Variants in SLIT2 observed in about 807,000 individuals in gnomAD.
The protein encoded by SLIT2 is slit homolog 2 protein.
SLIT2 carries 41 observed loss-of-function variants against 185.7 expected under a neutral mutation model. The ratio of observed to expected loss-of-function variants is 0.22; its 90% CI spans 0.17 to 0.29. The LOEUF (loss-of-function observed/expected upper bound fraction) is 0.29, where lower values mean the gene tolerates loss of function less well. SLIT2 is among the 10% of genes least tolerant of loss of function. The pLI, the probability that SLIT2 is intolerant of heterozygous loss-of-function variation, is 1.00. For synonymous variants in SLIT2, 693 were observed against 680.2 expected (o/e 1.02, Z -0.29); for missense variants, 1,571 against 1,909.0 (o/e 0.82, Z 3.30).
intron 30 of SLIT2, among the ~76,000 whole-genome samples, chr4:20,590,453 G>C (rs932393860): frequency 6.6e-6 from 1 of 152,124 alleles, no homozygotes; most frequent in Non-Finnish European, 1.5e-5. Flanking sequence ...ACAATGATTG[G>C]ACTATCCAAG....
In SLIT2 at chr4:20,488,893, G is replaced by T; in HGVS notation, c.686G>T (p.Arg229Leu). 1.9e-6 allele frequency: 3 copies of T among 1,612,944 alleles called. No individual in the cohort carries two copies. Among genetic ancestry groups the T allele is most frequent in the Non-Finnish European group, 2.5e-6 (3 of 1,179,108 alleles). ...TCCGACTGGCTTCGCCAAAGGCCTC[G>T]GGTTGGTCTGTACACTCAGTGTATG... ...WLSDWLRQRPRVGLYTQCMGP... is the reference protein window; with the variant it reads ...WLSDWLRQRPLVGLYTQCMGP... The change falls in exon 8 of 37, where the codon CGG becomes CTG. Residue 229 changes from arginine (R) to leucine (L), a missense_variant. Around this residue, in one of 3 missense-constraint regions of SLIT2, gnomAD observed 1,202 missense variants for 1,416.4 expected, o/e 0.85. Transcript: ENST00000504154.
chr4:20,254,391 G>A lies in SLIT2; in HGVS notation c.179+397G>A, dbSNP rs558462470. Among the ~76,000 whole-genome samples the A allele has an allele frequency of 6.6e-6, 1 of 152,322 alleles. No individual in the cohort carries two copies. The highest frequency in any genetic ancestry group is 1.9e-4 in the East Asian group (1 of 5,164). The stretch of plus-strand genomic sequence containing the variant: ...TGCCAGCATCCAGGTCGGTTTCAGA[G>A]CCCAGTCCTCGCTCTTGTCGCAGGC... On this transcript the variant is annotated intron_variant, in intron 1 of 36. Transcript: ENST00000504154. The surrounding 1 kb of genome is among the most constrained non-coding windows in gnomAD (Gnocchi z 5.1).
At chr4:20,447,349 G>A (rs181635244) in intron 4 of SLIT2, among the ~76,000 whole-genome samples, 94 of 152,268 alleles carry the variant, frequency 6.2e-4, no homozygotes, top group Non-Finnish European at 1.2e-3. Context: ...CAGATGCATT[G>A]CCTTCCTAGA....
intron 20 of SLIT2, 82 bp downstream of exon 20, chr4:20,541,701 G>T: frequency 8.4e-7 from 1 of 1,193,232 alleles, no homozygotes; most frequent in Non-Finnish European, 1.2e-6. Flanking sequence ...CTACAGCATA[G>T]TTCAGCTCAG....
chr4:20,549,658 A>G (rs1247632187), intron 24 of SLIT2, among the ~76,000 whole-genome samples: 1 of 151,888 alleles, frequency 6.6e-6, no homozygotes, highest in Non-Finnish European at 1.5e-5. Context: ...AGCCACAGAT[A>G]TTAATAGGAT....
intron 34 of SLIT2, among the ~76,000 whole-genome samples, chr4:20,612,813 G>C (rs948494372): frequency 3.3e-5 from 5 of 151,326 alleles, no homozygotes; most frequent in Non-Finnish European, 7.4e-5. Context: ...AGCTACTTGG[G>C]AGACTGAGGC....
intron 4 of SLIT2, among the ~76,000 whole-genome samples, chr4:20,382,369 T>G (rs1724596182): frequency 6.6e-6 from 1 of 152,148 alleles, no homozygotes; most frequent in African/African-American, 2.4e-5. Flanking sequence ...AAATAACTAA[T>G]ACAGCTTGAA....
intron 3 of SLIT2, among the ~76,000 whole-genome samples, chr4:20,258,502 T>C (rs1249363917): frequency 1.3e-5 from 2 of 151,842 alleles, no homozygotes; most frequent in Non-Finnish European, 3.0e-5. Context: ...GGAAAAATAA[T>C]CTAAACATTA....
intron 9 of SLIT2, among the ~76,000 whole-genome samples, chr4:20,509,115 G>A (rs931076460): frequency 1.3e-5 from 2 of 151,338 alleles, no homozygotes; most frequent in South Asian, 2.1e-4. Context: ...TCAGTATGTT[G>A]TCATGATATT....
chr4:20,333,710 G>T (rs1022474255), intron 4 of SLIT2, among the ~76,000 whole-genome samples: 1 of 152,098 alleles, frequency 6.6e-6, no homozygotes, highest in Non-Finnish European at 1.5e-5. Context: ...TCACTATTTG[G>T]TTCAAGCTTT....
chr4:20,523,913 A>C lies in SLIT2; in HGVS notation c.1274+10A>C, dbSNP rs1721054588. On this transcript the variant is annotated intron_variant, in intron 13 of 36. Transcript: ENST00000504154. The stretch of plus-strand genomic sequence containing the variant: ...GGGCCATTCAAACTATGTATGTATA[A>C]GTGATTTGGATCACTTTTGATGACA... 6.2e-7 allele frequency: 1 copy of C among 1,613,944 alleles called. No homozygotes were observed. The highest frequency in any genetic ancestry group is 8.5e-7 in the Non-Finnish European group (1 of 1,179,880).
intron 4 of SLIT2, among the ~76,000 whole-genome samples, chr4:20,334,314 A>C (rs1383260889): frequency 6.6e-6 from 1 of 152,066 alleles, no homozygotes; most frequent in Non-Finnish European, 1.5e-5. Context: ...TCTCTTTTAA[A>C]ACTATGTTTT....
In SLIT2 at chr4:20,533,703, G is replaced by A. The variant is rs775715727; in HGVS notation, c.1820G>A (p.Ser607Asn). ...CATAAGATGTTCAAGGGATTGGAAA[G>A]CCTCAAAACTTTGTAAGTATTTGTA... Reference protein sequence around the residue: ...VQHKMFKGLESLKTLMLRSNR... With the variant: ...VQHKMFKGLENLKTLMLRSNR... The change falls in exon 18 of 37, where the codon AGC (serine) becomes AAC (asparagine). Residue 607 changes from serine (S) to asparagine (N), a missense_variant. By Grantham distance (46) the Ser-to-Asn change is conservative. Coordinates refer to ENST00000504154, the MANE Select transcript of SLIT2 (RefSeq NM_004787.4). 1.7e-5 allele frequency: 28 copies of A among 1,610,594 alleles called. No homozygotes were observed. Among genetic ancestry groups the A allele is most frequent in the Non-Finnish European group, 2.4e-5 (28 of 1,179,072 alleles).
intron 5 of SLIT2, among the ~76,000 whole-genome samples, chr4:20,470,822 C>T (rs1286703791): frequency 7.9e-5 from 12 of 152,060 alleles, no homozygotes; most frequent in South Asian, 6.2e-4. Flanking sequence ...ATGATCCACC[C>T]GCGTTGGCCT....
chr4:20,543,133 A>C (rs16869751), intron 21 of SLIT2, among the ~76,000 whole-genome samples: 20,387 of 151,790 alleles, frequency 0.13, 1,881 homozygotes, highest in African/African-American at 0.26. Flanking sequence ...ATAAATAACT[A>C]TCTGGTATAT....
intron 5 of SLIT2, among the ~76,000 whole-genome samples, chr4:20,472,303 GATCTAT>G (rs1715236269): frequency 6.5e-5 from 2 of 30,984 alleles, no homozygotes; most frequent in Non-Finnish European, 9.8e-5. Context: ...TAGATATATA[GATCTAT>G]ATATAGATAT....
intron 4 of SLIT2, among the ~76,000 whole-genome samples, chr4:20,370,047 C>T (rs1351565849): frequency 6.6e-6 from 1 of 152,162 alleles, no homozygotes; most frequent in Admixed American, 6.6e-5. Context: ...GGTCTCTACC[C>T]CAGACCAACT....
At chr4:20,566,721 T>C (rs759558380) in intron 26 of SLIT2, among the ~76,000 whole-genome samples, 1 of 152,064 alleles carries the variant, frequency 6.6e-6, no homozygotes, top group African/African-American at 2.4e-5. Flanking sequence ...TTTATTTCTA[T>C]ATGCATAAAG....
At chr4:20,262,361 G>GA (rs1712563120) in intron 3 of SLIT2, among the ~76,000 whole-genome samples, 1 of 151,782 alleles carries the variant, frequency 6.6e-6, no homozygotes, top group African/African-American at 2.4e-5. Flanking sequence ...AGTTCAAGTA[G>GA]AGAATATGTT....
Sources: allele counts gnomAD v4.1 joint callset (sites outside exome capture counted in the v4.1 genomes callset), GRCh38; gene constraint gnomAD v4.1.1; regional missense constraint gnomAD v4.1.1; non-coding constraint Gnocchi (gnomAD v3.1); transcripts MANE v1.5; gene names NCBI Gene and HGNC (gene_info 2026-07-23, HGNC 2026-07-21).